TNS3: variants seen among roughly 807,000 people sequenced by gnomAD.
TNS3 encodes tensin-3.
A neutral mutation model predicts 140.9 loss-of-function variants in TNS3; 45 were observed. The observed-to-expected ratio is 0.32, with a 90% confidence interval of 0.25 to 0.41. The LOEUF (loss-of-function observed/expected upper bound fraction) is 0.41. Ranked by LOEUF, TNS3 falls within the 10% of genes least tolerant of loss-of-function variation. The pLI is 1.00. For synonymous variants in TNS3, 815 were observed against 788.4 expected (o/e 1.03, Z -0.56); for missense variants, 1,716 against 1,906.7 (o/e 0.90, Z 1.86).
At chr7:47,563,845 A>G (rs1800366249) in intron 1 of TNS3, among the ~76,000 whole-genome samples, 1 of 152,222 alleles carries the variant, frequency 6.6e-6, no homozygotes, top group Non-Finnish European at 1.5e-5. Flanking sequence ...CATGGTATCC[A>G]ATTGTTTAGT....
intron 23 of TNS3, 79 bp downstream of exon 23, chr7:47,302,107 G>T: frequency 8.2e-7 from 1 of 1,215,410 alleles, no homozygotes; most frequent in South Asian, 1.2e-5. Flanking sequence ...TGTTCCCACC[G>T]CAGGGCCCAT....
At chr7:47,510,973 T>C (rs974782156) in intron 2 of TNS3, among the ~76,000 whole-genome samples, 4 of 152,228 alleles carry the variant, frequency 2.6e-5, no homozygotes, top group Non-Finnish European at 5.9e-5. Context: ...TTCCTGAGAT[T>C]GTATAACAAA....
chr7:47,486,733 G>T (rs1797628065), intron 3 of TNS3, among the ~76,000 whole-genome samples: 1 of 152,120 alleles, frequency 6.6e-6, no homozygotes, highest in African/African-American at 2.4e-5. Context: ...TCCTTTTGAT[G>T]AACACAATAA....
chr7:47,511,195 T>C (rs949774100), intron 2 of TNS3, among the ~76,000 whole-genome samples: 5 of 152,188 alleles, frequency 3.3e-5, no homozygotes, highest in Non-Finnish European at 7.3e-5. Flanking sequence ...TGAGTTCTGG[T>C]GTAGAATCAA....
intron 9 of TNS3, among the ~76,000 whole-genome samples, chr7:47,424,793 C>T (rs1353294536): frequency 6.6e-6 from 1 of 152,166 alleles, no homozygotes. Context: ...GTGTCTCAGG[C>T]CTCGGGGCTG....
At chr7:47,520,063 G>A (rs1798918343) in intron 2 of TNS3, among the ~76,000 whole-genome samples, 1 of 151,804 alleles carries the variant, frequency 6.6e-6, no homozygotes, top group South Asian at 2.1e-4. Flanking sequence ...CTGACCTCGT[G>A]ATCCGCCTGC....
At chr7:47,549,679 G>T (rs1800010894) in intron 1 of TNS3, among the ~76,000 whole-genome samples, 1 of 151,908 alleles carries the variant, frequency 6.6e-6, no homozygotes, top group Admixed American at 6.6e-5. Flanking sequence ...GAGGCCCTAG[G>T]GAAAAGTCCA....
intron 4 of TNS3, among the ~76,000 whole-genome samples, chr7:47,478,583 G>A (rs1229289158): frequency 6.6e-6 from 1 of 151,580 alleles, no homozygotes; most frequent in Non-Finnish European, 1.5e-5. Flanking sequence ...TTACATACAA[G>A]ATACATATAT....
chr7:47,571,087 G>A (rs1800543980), intron 1 of TNS3, among the ~76,000 whole-genome samples: 1 of 152,178 alleles, frequency 6.6e-6, no homozygotes, highest in Admixed American at 6.5e-5. Flanking sequence ...GTCTTGGGGG[G>A]CCCAACGTGG....
At chr7:47,325,417 C>T (rs1445910920) in intron 20 of TNS3, among the ~76,000 whole-genome samples, 1 of 152,206 alleles carries the variant, frequency 6.6e-6, no homozygotes, top group Non-Finnish European at 1.5e-5. Flanking sequence ...TGAGGCTAAT[C>T]AAGAATCATA....
At chr7:47,439,440 C>T (rs760610381) in intron 6 of TNS3, 47 bp downstream of exon 6, 114 of 1,601,646 alleles carry the variant, frequency 7.1e-5, no homozygotes, top group Non-Finnish European at 9.5e-5. Flanking sequence ...TACACAGTGC[C>T]TGCTGCAGAG....
At chr7:47,397,749 GACA>G (rs1279294119) in intron 15 of TNS3, among the ~76,000 whole-genome samples, 64 of 152,100 alleles carry the variant, frequency 4.2e-4, no homozygotes, top group African/African-American at 1.5e-3. Flanking sequence ...ATCACATATT[GACA>G]ACCTCATGTC....
chr7:47,408,220 A>G (rs912796684), intron 13 of TNS3, among the ~76,000 whole-genome samples: 5 of 151,880 alleles, frequency 3.3e-5, no homozygotes, highest in Admixed American at 1.3e-4. Flanking sequence ...TCCTTCACCC[A>G]CTCACGGCCC....
chr7:47,409,115 G>C (rs746887926), intron 13 of TNS3, among the ~76,000 whole-genome samples: 1 of 152,152 alleles, frequency 6.6e-6, no homozygotes, highest in South Asian at 2.1e-4. Flanking sequence ...GAAGGAGGGA[G>C]GGAGCAGAGA....
chr7:47,473,540 C>T (rs1269111503), intron 4 of TNS3, among the ~76,000 whole-genome samples: 1 of 152,118 alleles, frequency 6.6e-6, no homozygotes, highest in East Asian at 1.9e-4. Context: ...GTGTATAGAC[C>T]CGTGTCTGTG....
intron 2 of TNS3, among the ~76,000 whole-genome samples, chr7:47,507,902 C>T (rs1798479119): frequency 1.3e-5 from 2 of 152,170 alleles, no homozygotes; most frequent in South Asian, 2.1e-4. Flanking sequence ...GTGACCAAAG[C>T]CTCCTATCCA....
intron 4 of TNS3, among the ~76,000 whole-genome samples, chr7:47,461,444 C>T (rs930742879): frequency 3.9e-4 from 59 of 152,232 alleles, no homozygotes; most frequent in Non-Finnish European, 6.3e-4. Flanking sequence ...TGGCTGTCCC[C>T]GCTCCCACTG....
intron 10 of TNS3, among the ~76,000 whole-genome samples, chr7:47,416,173 C>G (rs1037987222): frequency 6.6e-6 from 1 of 152,206 alleles, no homozygotes; most frequent in Non-Finnish European, 1.5e-5. Context: ...CCCAAACAAT[C>G]AAAAACTCCG....
intron 1 of TNS3, among the ~76,000 whole-genome samples, chr7:47,559,390 T>C (rs1182312003): frequency 6.6e-6 from 1 of 151,974 alleles, no homozygotes; most frequent in Non-Finnish European, 1.5e-5. Context: ...TCAAGACACA[T>C]GTTCAGATTT....
Sources: gnomAD v4.1 joint callset for allele counts (sites outside exome capture counted in the v4.1 genomes callset) on GRCh38, gnomAD v4.1.1 for gene constraint, MANE v1.5 for transcripts, NCBI Gene and HGNC (gene_info 2026-07-23, HGNC 2026-07-21) for gene names.